Variants in TMEM108 observed in about 807,000 individuals in gnomAD.
TMEM108 encodes transmembrane protein 108, also known as cancer/testis antigen 124.
Under a neutral mutation model 35.1 loss-of-function variants are expected in TMEM108, and 12 were observed. The ratio of observed to expected loss-of-function variants is 0.34; its 90% CI spans 0.22 to 0.55. The LOEUF is 0.55. Ranked by LOEUF, TMEM108 falls within the 20% of genes least tolerant of loss-of-function variation. The pLI, the probability that TMEM108 is intolerant of heterozygous loss-of-function variation, is 0.89. For synonymous variants in TMEM108, 287 were observed against 308.6 expected, an observed-to-expected ratio of 0.93 and a Z score of 0.73; for missense variants, 680 against 753.3, an observed-to-expected ratio of 0.90 and a Z score of 1.14.
chr3:133,136,099 T>A (rs1444397793), intron 2 of TMEM108, among the ~76,000 whole-genome samples: 2 of 152,244 alleles, frequency 1.3e-5, no homozygotes, highest in Admixed American at 6.5e-5. Context: ...CAAAGTCTAT[T>A]TTCTGCAATA....
chr3:133,275,874 G>T (rs557684486), intron 3 of TMEM108, among the ~76,000 whole-genome samples: 1 of 152,298 alleles, frequency 6.6e-6, no homozygotes, highest in South Asian at 2.1e-4. Context: ...AGGATTGTGA[G>T]TCTGTATCAC....
At chr3:133,092,273 C>T (rs915034347) in intron 2 of TMEM108, among the ~76,000 whole-genome samples, 6 of 152,210 alleles carry the variant, frequency 3.9e-5, no homozygotes, top group African/African-American at 1.4e-4. Flanking sequence ...ATGTCTAGAA[C>T]TTTCTTCTAC....
At chr3:133,250,273 G>C (rs1042489463) in intron 3 of TMEM108, among the ~76,000 whole-genome samples, 1 of 152,054 alleles carries the variant, frequency 6.6e-6, no homozygotes, top group African/African-American at 2.4e-5. Context: ...CTCCTCTTCC[G>C]CTCTACCTCA....
At chr3:133,279,204 C>T (rs1210761797) in intron 3 of TMEM108, among the ~76,000 whole-genome samples, 6 of 152,210 alleles carry the variant, frequency 3.9e-5, no homozygotes, top group Middle Eastern at 3.2e-3. Context: ...CACAGGTCTA[C>T]GTGCATGGAC....
intron 2 of TMEM108, among the ~76,000 whole-genome samples, chr3:133,052,171 T>C (rs1943413177): frequency 1.3e-5 from 2 of 152,196 alleles, no homozygotes. Context: ...CAGAGTTTTG[T>C]AGTTTTCCTC....
At chr3:133,178,436 G>A (rs922746126) in intron 2 of TMEM108, among the ~76,000 whole-genome samples, 62 of 151,886 alleles carry the variant, frequency 4.1e-4, no homozygotes, top group African/African-American at 1.4e-3. Flanking sequence ...AACCAAAACA[G>A]CATGGTACTG....
intron 3 of TMEM108, among the ~76,000 whole-genome samples, chr3:133,343,638 A>G (rs1404064699): frequency 6.6e-6 from 1 of 151,874 alleles, no homozygotes; most frequent in African/African-American, 2.4e-5. Context: ...AGAAAAGGAA[A>G]CTATATGGAC....
intron 2 of TMEM108, among the ~76,000 whole-genome samples, chr3:133,058,793 A>G (rs1479080772): frequency 2.0e-5 from 3 of 152,200 alleles, no homozygotes; most frequent in Admixed American, 6.5e-5. Flanking sequence ...GGAGGCCTCT[A>G]CAGGCATGGA....
intron 2 of TMEM108, among the ~76,000 whole-genome samples, chr3:133,052,552 A>AG: frequency 6.6e-6 from 1 of 151,558 alleles, no homozygotes; most frequent in East Asian, 1.9e-4. Flanking sequence ...AAAAAAAAAA[A>AG]AAAAAGTAGT....
At chr3:133,077,684 C>T (rs958173375) in intron 2 of TMEM108, among the ~76,000 whole-genome samples, 2 of 152,296 alleles carry the variant, frequency 1.3e-5, no homozygotes, top group African/African-American at 2.4e-5. Flanking sequence ...TCTGTTTGTG[C>T]CCCTAAATTC....
intron 2 of TMEM108, among the ~76,000 whole-genome samples, chr3:133,055,890 A>T (rs2107678091): frequency 6.6e-6 from 1 of 152,310 alleles, no homozygotes. Context: ...GAAATTAATT[A>T]TTGTCATTAG....
intron 2 of TMEM108, among the ~76,000 whole-genome samples, chr3:133,147,361 A>T (rs935690726): frequency 1.3e-5 from 2 of 152,022 alleles, no homozygotes; most frequent in Admixed American, 6.6e-5. Flanking sequence ...GCGTTTGCTT[A>T]TGTGTTCCCT....
rs1330336976 is a variant in TMEM108, at chr3:133,380,332, G to C, written c.621G>C (p.Leu207=). The C allele has an allele frequency of 1.2e-6, 2 of 1,614,132 alleles. No homozygotes were observed. Among genetic ancestry groups the C allele is most frequent in the Admixed American group, 1.7e-5 (1 of 60,026 alleles). Reference sequence around the variant, plus strand: ...GACGAAATCCAAGCTCCACACCTCTGGGGCAGAAGCGGCCCCTGGGGAAAA... The same window carrying C: ...GACGAAATCCAAGCTCCACACCTCTCGGGCAGAAGCGGCCCCTGGGGAAAA... ...QRGRNPSSTP[L]GQKRPLGKIF... Residue 207 remains leucine (L), a synonymous_variant, in exon 4 of 6, where the codon CTG becomes CTC. Coordinates refer to ENST00000321871, the MANE Select transcript of TMEM108 (RefSeq NM_023943.4). The surrounding 1 kb of genome is among the most constrained non-coding windows in gnomAD (Gnocchi z 5.3).
chr3:133,109,494 G>A (rs561158898), intron 2 of TMEM108, among the ~76,000 whole-genome samples: 2 of 152,176 alleles, frequency 1.3e-5, no homozygotes, highest in African/African-American at 4.8e-5. Flanking sequence ...GAGGTACTGT[G>A]TATCTCTGGG....
At chr3:133,079,941 A>G (rs1397917771) in intron 2 of TMEM108, among the ~76,000 whole-genome samples, 3 of 152,168 alleles carry the variant, frequency 2.0e-5, no homozygotes, top group African/African-American at 7.2e-5. Flanking sequence ...CTATATAGCC[A>G]GAGGCCTCAC....
intron 2 of TMEM108, among the ~76,000 whole-genome samples, chr3:133,194,129 G>A (rs1460269634): frequency 1.3e-5 from 2 of 151,952 alleles, no homozygotes; most frequent in Admixed American, 6.6e-5. Context: ...TAGAGACGGG[G>A]TTTCACCATA....
intron 2 of TMEM108, among the ~76,000 whole-genome samples, chr3:133,133,606 A>G (rs1024190215): frequency 6.6e-6 from 1 of 151,326 alleles, no homozygotes; most frequent in Non-Finnish European, 1.5e-5. Flanking sequence ...TGCCTGGCCT[A>G]TTCACTTAAC....
chr3:133,094,221 A>ACC (rs1559830325), intron 2 of TMEM108, among the ~76,000 whole-genome samples: 13 of 34,306 alleles, frequency 3.8e-4, no homozygotes, highest in South Asian at 1.4e-3. Context: ...CCCACCTCCC[A>ACC]CCCCACCCCC....
intron 2 of TMEM108, among the ~76,000 whole-genome samples, chr3:133,056,105 T>C (rs1943462195): frequency 6.6e-6 from 1 of 152,210 alleles, no homozygotes; most frequent in Non-Finnish European, 1.5e-5. Flanking sequence ...TCTCTTTGCC[T>C]CAATTCTTAT....
Sources: gnomAD v4.1 joint callset for allele counts (sites outside exome capture counted in the v4.1 genomes callset) on GRCh38, gnomAD v4.1.1 for gene constraint, Gnocchi (gnomAD v3.1) non-coding constraint, MANE v1.5 for transcripts, NCBI Gene and HGNC (gene_info 2026-07-23, HGNC 2026-07-21) for gene names.